Variants in GRIK2 observed in about 807,000 individuals in gnomAD.
GRIK2 encodes glutamate ionotropic receptor kainate type subunit 2.
In GRIK2, 32 loss-of-function variants were observed where a neutral mutation model predicts 100.3. The ratio of observed to expected loss-of-function variants is 0.32; its 90% confidence interval spans 0.24 to 0.43. The LOEUF (loss-of-function observed/expected upper bound fraction) is 0.43. GRIK2 is among the 20% of genes least tolerant of loss of function. GRIK2 has a pLI of 1.00. For synonymous variants in GRIK2, 417 were observed against 389.4 expected, an observed-to-expected ratio of 1.07 and a Z score of -0.83; for missense variants, 843 against 1,114.9, an observed-to-expected ratio of 0.76 and a Z score of 3.47.
At chr6:101,704,808 T>C (rs922476992) in intron 7 of GRIK2, among the ~76,000 whole-genome samples, 2 of 151,250 alleles carry the variant, frequency 1.3e-5, no homozygotes, top group Non-Finnish European at 3.0e-5. Context: ...TTCAAAGATA[T>C]CAAGTGTTTT....
Position 101,586,624 on chromosome 6 carries a change from T to C in GRIK2, c.116-35325T>C, listed in dbSNP as rs537929294. Among the ~76,000 whole-genome samples, 33 of 151,974 alleles carry C rather than the reference T, an allele frequency of 2.2e-4. No individual in the cohort carries two copies. In the East Asian group the frequency reaches 5.1e-3, roughly 23 times the overall value. ...TAAGTAGATGCCTGTAATCCAGCAC[T>C]TTGAGGGGCTGAGGCAGGTGGATTG... On this transcript the variant is annotated intron_variant, in intron 2 of 16. Transcript: ENST00000369134.
chr6:101,946,640 G>A (rs760547920), intron 14 of GRIK2, among the ~76,000 whole-genome samples: 3 of 151,844 alleles, frequency 2.0e-5, no homozygotes, highest in African/African-American at 7.3e-5. Context: ...TGTCTTCATC[G>A]AAGCCATGAC....
intron 16 of GRIK2, among the ~76,000 whole-genome samples, chr6:102,060,950 T>G (rs560317064): frequency 6.6e-6 from 1 of 150,772 alleles, no homozygotes; most frequent in African/African-American, 2.4e-5. Flanking sequence ...ATAAATAAAC[T>G]TTGGACAAAT....
chr6:101,407,439 A>G (rs1775651599), intron 2 of GRIK2, among the ~76,000 whole-genome samples: 1 of 152,088 alleles, frequency 6.6e-6, no homozygotes, highest in Non-Finnish European at 1.5e-5. Context: ...AAATTCAAAA[A>G]ACTGAATTTT....
At chr6:101,664,985 G>A (rs568192184) in intron 4 of GRIK2, among the ~76,000 whole-genome samples, 4 of 152,130 alleles carry the variant, frequency 2.6e-5, no homozygotes, top group Non-Finnish European at 4.4e-5. Context: ...TGGGCCCCTC[G>A]CATGGCATGT....
At chr6:101,493,879 A>G (rs1269210967) in intron 2 of GRIK2, among the ~76,000 whole-genome samples, 1 of 148,706 alleles carries the variant, frequency 6.7e-6, no homozygotes, top group Non-Finnish European at 1.5e-5. Context: ...AACTATTTCA[A>G]AGTTTTATTT....
chr6:101,399,524 C>G, intron 2 of GRIK2, 132 bp downstream of exon 2: 2 of 638,500 alleles, frequency 3.1e-6, no homozygotes, highest in Non-Finnish European at 2.9e-6. Context: ...TCTCCTGGGG[C>G]TTTTAAAGAA....
At chr6:101,719,006 T>A (rs919910825) in intron 7 of GRIK2, among the ~76,000 whole-genome samples, 5 of 151,986 alleles carry the variant, frequency 3.3e-5, no homozygotes, top group Non-Finnish European at 7.4e-5. Flanking sequence ...TATCTCAATA[T>A]TTCCATCTTC....
intron 14 of GRIK2, among the ~76,000 whole-genome samples, chr6:101,953,369 C>T (rs1405099117): frequency 2.0e-5 from 3 of 152,148 alleles, no homozygotes; most frequent in Non-Finnish European, 4.4e-5. Flanking sequence ...CACAATTTTA[C>T]ATTGCCTTTA....
intron 10 of GRIK2, among the ~76,000 whole-genome samples, chr6:101,825,868 A>T (rs1249335212): frequency 3.3e-5 from 5 of 152,050 alleles, no homozygotes; most frequent in Admixed American, 3.3e-4. Context: ...GACCATATAC[A>T]CTTGTACAAT....
At chr6:101,879,312 C>T (rs1243439477) in intron 11 of GRIK2, among the ~76,000 whole-genome samples, 1 of 151,952 alleles carries the variant, frequency 6.6e-6, no homozygotes, top group Non-Finnish European at 1.5e-5. Flanking sequence ...TTCTCTAGAA[C>T]CCAGAAAAAA....
At chr6:101,872,265 G>C (rs1321132310) in intron 11 of GRIK2, among the ~76,000 whole-genome samples, 1 of 151,910 alleles carries the variant, frequency 6.6e-6, no homozygotes, top group African/African-American at 2.4e-5. Flanking sequence ...ATAAAGAACT[G>C]TTTGAGACTG....
At chr6:101,726,605 T>G (rs890562996) in intron 7 of GRIK2, among the ~76,000 whole-genome samples, 1 of 151,914 alleles carries the variant, frequency 6.6e-6, no homozygotes, top group Non-Finnish European at 1.5e-5. Context: ...AAGTAGAACA[T>G]ACATCCAAAG....
intron 7 of GRIK2, among the ~76,000 whole-genome samples, chr6:101,756,313 C>T (rs943153540): frequency 3.2e-5 from 4 of 123,660 alleles, no homozygotes; most frequent in Non-Finnish European, 6.6e-5. Flanking sequence ...TAAGTCATGG[C>T]TTTCCCTCCA....
At chr6:101,803,767 A>G (rs1392425926) in intron 9 of GRIK2, among the ~76,000 whole-genome samples, 1 of 151,956 alleles carries the variant, frequency 6.6e-6, no homozygotes, top group Non-Finnish European at 1.5e-5. Context: ...ATTACCATAG[A>G]TCCATTCCTG....
At chr6:102,035,640 T>G (rs1770228822) in intron 15 of GRIK2, 74 bp downstream of exon 15, 1 of 805,572 alleles carries the variant, frequency 1.2e-6, no homozygotes, top group Admixed American at 2.0e-5. Flanking sequence ...AAATAGTGTG[T>G]CCACGTATGC....
intron 11 of GRIK2, among the ~76,000 whole-genome samples, chr6:101,876,637 T>G (rs1785869474): frequency 6.6e-6 from 1 of 151,794 alleles, no homozygotes. Flanking sequence ...ACAGTGAGAT[T>G]TAATGTGCAC....
chr6:101,812,462 T>G (rs1489044561), intron 9 of GRIK2, among the ~76,000 whole-genome samples: 3 of 151,870 alleles, frequency 2.0e-5, no homozygotes, highest in Non-Finnish European at 4.4e-5. Context: ...ATTTCTGAGA[T>G]GAGGAAAATA....
intron 2 of GRIK2, among the ~76,000 whole-genome samples, chr6:101,572,802 GTTA>G (rs1454358470): frequency 2.4e-5 from 3 of 124,908 alleles, no homozygotes; most frequent in Non-Finnish European, 5.1e-5. Context: ...TGTTGTTGTT[GTTA>G]TTGTTGTTTA....
Sources: gnomAD v4.1 joint callset for allele counts (sites outside exome capture counted in the v4.1 genomes callset) on GRCh38, gnomAD v4.1.1 for gene constraint, MANE v1.5 for transcripts, NCBI Gene and HGNC (gene_info 2026-07-23, HGNC 2026-07-21) for gene names.